The following CEP126 variants were observed in gnomAD, a reference collection of about 807,000 sequenced individuals.
CEP126 encodes centrosomal protein of 126 kDa.
CEP126 carries 74 observed loss-of-function variants against 107.8 expected under a neutral mutation model. That is an observed-to-expected ratio of 0.69 (90% CI 0.57 to 0.83). The LOEUF (loss-of-function observed/expected upper bound fraction) is 0.83, where lower values mean the gene tolerates loss of function less well. CEP126 is among the 40% of genes least tolerant of loss of function. The pLI is 0.00. For synonymous variants in CEP126, 449 were observed against 446.0 expected, an observed-to-expected ratio of 1.01 and a Z score of -0.08; for missense variants, 1,237 against 1,281.9, an observed-to-expected ratio of 0.96 and a Z score of 0.53.
In CEP126 at chr11:101,924,926, T is replaced by G. The variant is rs1328680792; in HGVS notation, c.248+2166T>G. On this transcript the variant is annotated intron_variant, in intron 2 of 10. Transcript: ENST00000263468. ...GCTTTAAATCACACACATTTTTATT[T>G]TCTTATTATTTATTGCATTTCTATT... Among the ~76,000 whole-genome samples, 3 of 152,220 alleles carry G rather than the reference T, an allele frequency of 2.0e-5. No homozygotes were observed. In the East Asian group the frequency reaches 5.8e-4, roughly 29 times the overall value.
intron 8 of CEP126, among the ~76,000 whole-genome samples, chr11:101,985,874 A>C (rs1941310579): frequency 6.6e-6 from 1 of 152,244 alleles, no homozygotes; most frequent in South Asian, 2.1e-4. Flanking sequence ...ACAGACATTT[A>C]GAAACATTTG....
chr11:101,916,964 A>C (rs1362279170), intron 1 of CEP126, among the ~76,000 whole-genome samples: 1 of 151,874 alleles, frequency 6.6e-6, no homozygotes, highest in Non-Finnish European at 1.5e-5. Flanking sequence ...TATATAGTTA[A>C]AATTAGGCAA....
chr11:101,936,355 C>T (rs1242509177), intron 2 of CEP126, among the ~76,000 whole-genome samples: 5 of 151,914 alleles, frequency 3.3e-5, no homozygotes, highest in South Asian at 4.2e-4. Flanking sequence ...ATTTAAATTT[C>T]ATTTCCCATT....
rs767607882 is a variant in CEP126 at position 101,948,070 on chromosome 11, A to G, written c.434A>G (p.Lys145Arg). The change falls in exon 4 of 11, where the codon AAA becomes AGA. Residue 145 changes from lysine to arginine, a missense_variant. By Grantham distance (26) the Lys-to-Arg change is conservative. This residue lies in a region of CEP126 where 1,134 missense variants were observed against 1,150.5 expected (regional missense o/e 0.99). Transcript: ENST00000263468. ...GTTCCTCCATTAGAAGAGGCCCTCA[A>G]ACAAATTCAGGAATCCAACTTAAAA... ...KPVPPLEEAL[K>R]QIQESNLKSE... The G allele has an allele frequency of 2.5e-6, 4 of 1,612,062 alleles. No homozygotes were observed. The highest frequency in any genetic ancestry group is 2.7e-5 in the African/African-American group (2 of 74,886).
intron 9 of CEP126, among the ~76,000 whole-genome samples, chr11:101,991,392 AAC>A (rs1455146552): frequency 6.6e-6 from 1 of 152,204 alleles, no homozygotes; most frequent in African/African-American, 2.4e-5. Flanking sequence ...ATACAAAAAG[AAC>A]AAGAGAAAAA....
Position 101,963,589 on chromosome 11 carries a change from C to G in CEP126, c.2554C>G (p.Gln852Glu). 6.2e-7 allele frequency: 1 copy of G among 1,614,116 alleles called. No homozygotes were observed. Among genetic ancestry groups the G allele is most frequent in the Non-Finnish European group, 8.5e-7 (1 of 1,180,000 alleles). Reference sequence around the variant, plus strand: ...GCTTCCAACAGAACACAGTTTGAATCAGTGGAATCAGGAAAGTAGTTCTCC... The same window carrying G: ...GCTTCCAACAGAACACAGTTTGAATGAGTGGAATCAGGAAAGTAGTTCTCC... ...HVLPTEHSLN[Q>E]WNQESSSPLS... The change falls in exon 6 of 11, where the codon CAG (glutamine) becomes GAG (glutamate). Residue 852 changes from glutamine (Q) to glutamate (E), a missense_variant. By Grantham distance (29) the Gln-to-Glu change is conservative (BLOSUM62 2). Around this residue, in one of 3 missense-constraint regions of CEP126, gnomAD observed 1,134 missense variants for 1,150.5 expected, o/e 0.99. Transcript: ENST00000263468.
chr11:101,952,629 T>TA (rs1351290508), intron 4 of CEP126, among the ~76,000 whole-genome samples: 2 of 149,706 alleles, frequency 1.3e-5, no homozygotes, highest in Non-Finnish European at 3.0e-5. Context: ...TAAGTGTTCT[T>TA]ACCTTAGTAA....
intron 4 of CEP126, among the ~76,000 whole-genome samples, chr11:101,949,110 A>G (rs1257354428): frequency 1.3e-5 from 2 of 152,184 alleles, no homozygotes; most frequent in African/African-American, 4.8e-5. Flanking sequence ...TTTTAGACAG[A>G]GAGATGAGCA....
intron 10 of CEP126, among the ~76,000 whole-genome samples, chr11:101,994,894 C>A (rs1290481316): frequency 3.4e-5 from 5 of 146,552 alleles, no homozygotes; most frequent in Non-Finnish European, 7.5e-5. Context: ...TTTAATTATA[C>A]TTTAAGTTCT....
At chr11:101,937,397 C>T (rs1246876139) in intron 2 of CEP126, among the ~76,000 whole-genome samples, 5 of 152,150 alleles carry the variant, frequency 3.3e-5, no homozygotes, top group South Asian at 2.1e-4. Context: ...GTAGCATCAC[C>T]GGAATACCTG....
At chr11:101,954,963 A>T (rs1940864753) in intron 4 of CEP126, among the ~76,000 whole-genome samples, 1 of 152,206 alleles carries the variant, frequency 6.6e-6, no homozygotes, top group Admixed American at 6.5e-5. Flanking sequence ...ATGTGTTAAG[A>T]AATAAAGTAA....
chr11:101,951,338 T>TAC (rs1347026246), intron 4 of CEP126, among the ~76,000 whole-genome samples: 3 of 151,840 alleles, frequency 2.0e-5, no homozygotes, highest in African/African-American at 7.3e-5. Context: ...ACCCCATCTC[T>TAC]ACACACACAC....
Position 101,937,755 on chromosome 11 carries a change from GT to G in CEP126, c.249-6502del, listed in dbSNP as rs202207595. 1.5e-4 allele frequency among the ~76,000 whole-genome samples: 23 copies of G among 151,882 alleles called. No individual in the cohort carries two copies. The East Asian group carries it at 2.3e-3, about 15-fold the overall frequency. ...AAATTATAATATATCTGAACCTAGA[GT>G]TTTTTTTGTGGGAAACTTATTAATT... On this transcript the variant is annotated intron_variant, in intron 2 of 10. Transcript: ENST00000263468.
Position 101,961,888 on chromosome 11 carries a change from C to T in CEP126, c.853C>T (p.Pro285Ser), listed in dbSNP as rs1410649156. ...CCAGCGGAATACCATTTCCCTCAAACCAGCAAATATGCAATCAACTAATCT... is the reference window on the plus strand; with the variant it reads ...CCAGCGGAATACCATTTCCCTCAAATCAGCAAATATGCAATCAACTAATCT... ...SIQRNTISLK[P>S]ANMQSTNLSC... is the part of the protein sequence containing the mutation. Residue 285 changes from proline to serine, a missense_variant, in exon 6 of 11, where the codon CCA becomes TCA. By Grantham distance (74) the Pro-to-Ser change is moderately conservative (BLOSUM62 -1). Transcript: ENST00000263468. 8 of 1,613,004 alleles carry T rather than the reference C, an allele frequency of 5.0e-6. No homozygotes were observed. Among genetic ancestry groups the T allele is most frequent in the Non-Finnish European group, 6.8e-6 (8 of 1,179,272 alleles).
At chr11:101,952,990 G>A (rs540868239) in intron 4 of CEP126, among the ~76,000 whole-genome samples, 5 of 152,130 alleles carry the variant, frequency 3.3e-5, no homozygotes, top group Non-Finnish European at 7.4e-5. Flanking sequence ...ACAGTTGAGG[G>A]GCTAGTTTTT....
intron 1 of CEP126, chr11:101,916,207 G>A (rs1940208829): frequency 6.6e-6 from 1 of 152,220 alleles, no homozygotes; most frequent in Admixed American, 6.5e-5. Flanking sequence ...TCAGAGATGA[G>A]TGTCTTCTCT....
intron 2 of CEP126, among the ~76,000 whole-genome samples, chr11:101,934,975 A>G (rs1265471819): frequency 2.0e-5 from 3 of 152,072 alleles, no homozygotes; most frequent in East Asian, 1.9e-4. Context: ...GAAGATGTCA[A>G]ACAGTTTTCC....
chr11:101,990,658 C>G (rs115065713), intron 9 of CEP126, among the ~76,000 whole-genome samples: 1 of 152,020 alleles, frequency 6.6e-6, no homozygotes. Context: ...GAAAAATTAC[C>G]GTACTTCCCC....
intron 7 of CEP126, among the ~76,000 whole-genome samples, chr11:101,981,320 G>A (rs559737761): frequency 2.6e-5 from 4 of 152,116 alleles, no homozygotes; most frequent in Admixed American, 2.6e-4. Context: ...TTGAGACAGA[G>A]TCTCGCTCTG....
Sources: gnomAD v4.1 joint callset for allele counts (sites outside exome capture counted in the v4.1 genomes callset) on GRCh38, gnomAD v4.1.1 for gene constraint, gnomAD v4.1.1 regional missense constraint, MANE v1.5 for transcripts, NCBI Gene and HGNC (gene_info 2026-07-23, HGNC 2026-07-21) for gene names.